SNX3: variants seen among roughly 807,000 people sequenced by gnomAD.
The protein encoded by SNX3 is sorting nexin-3.
Under a neutral mutation model 17.7 loss-of-function variants are expected in SNX3, and 5 were observed. That is an observed-to-expected ratio of 0.28 (90% CI 0.15 to 0.59). The LOEUF (loss-of-function observed/expected upper bound fraction) is 0.59. Ranked by LOEUF, SNX3 falls within the 20% of genes least tolerant of loss-of-function variation. The pLI, the probability that SNX3 is intolerant of heterozygous loss-of-function variation, is 0.88. For synonymous variants in SNX3, 91 were observed against 76.5 expected, an observed-to-expected ratio of 1.19 and a Z score of -0.99; for missense variants, 132 against 206.8, an observed-to-expected ratio of 0.64 and a Z score of 2.22.
rs371943561 is a variant in SNX3 at position 108,225,046 on chromosome 6, G to A, written c.163-2001C>T. Among the ~76,000 whole-genome samples the A allele has an allele frequency of 1.2e-4, 18 of 152,286 alleles. No homozygotes were observed. The East Asian group carries it at 1.9e-3, about 16-fold the overall frequency. ...GACTGTAATCCCAGCACTTTGAAAG[G>A]CTGAGGCGGGCGGATCACGAGGTCA... On this transcript the variant is annotated intron_variant, in intron 1 of 3. Coordinates refer to ENST00000230085, the MANE Select transcript of SNX3 (RefSeq NM_003795.6).
intron 1 of SNX3, among the ~76,000 whole-genome samples, chr6:108,223,494 GTTCTTTTTTTTTTT>G (rs1169204291): frequency 2.0e-5 from 2 of 99,336 alleles, no homozygotes; most frequent in Non-Finnish European, 3.6e-5. Context: ...AACTTTGCTA[GTTCTTTTTTTTTTT>G]TTTTTTTTTT....
rs920627925 is a variant in SNX3, at chr6:108,261,019, C to G, written c.-98G>C. 7 of 1,185,156 alleles carry G rather than the reference C, an allele frequency of 5.9e-6. No individual in the cohort carries two copies. The highest frequency in any genetic ancestry group is 3.2e-5 in the East Asian group (1 of 31,264). The allele number at this position is 1,185,156 out of a possible 1,614,324, so 73.4% of individuals were successfully genotyped here. A position where few individuals can be genotyped will look rare whatever the true frequency, so the allele number is the denominator to read the frequency against. ...CTGCCCGCCGTGGGGACACGGGGCT[C>G]GCGCGCAGCGGTCGCGAAGAGAACG... On this transcript the variant is annotated 5_prime_UTR_variant, in exon 1 of 4. Coordinates refer to ENST00000230085, the MANE Select transcript of SNX3 (RefSeq NM_003795.6).
chr6:108,260,748 A>G lies in SNX3; in HGVS notation c.162+12T>C. 1.9e-6 allele frequency: 3 copies of G among 1,613,154 alleles called. No homozygotes were observed. Among genetic ancestry groups the G allele is most frequent in the Non-Finnish European group, 8.5e-7 (1 of 1,179,524 alleles). ...GGAGGGGTTTCTTGGGAGAGGGGAG[A>G]GACGGCCTCACCTTGACCCTGATTT... is the stretch of plus-strand genomic sequence containing the variant. On this transcript the variant is annotated intron_variant, in intron 1 of 3. Transcript: ENST00000230085.
chr6:108,253,705 C>G (rs981244242), intron 1 of SNX3, among the ~76,000 whole-genome samples: 2 of 152,062 alleles, frequency 1.3e-5, no homozygotes, highest in Non-Finnish European at 2.9e-5. Flanking sequence ...AGCTACCAAC[C>G]ATTGTGGTTC....
chr6:108,215,486 A>G (rs1004832632), intron 2 of SNX3, among the ~76,000 whole-genome samples: 2 of 152,230 alleles, frequency 1.3e-5, no homozygotes, highest in Non-Finnish European at 2.9e-5. Flanking sequence ...ATTAAGAAAC[A>G]AGTCAACTTT....
chr6:108,250,708 T>A (rs1474837346), intron 1 of SNX3, among the ~76,000 whole-genome samples: 1 of 152,154 alleles, frequency 6.6e-6, no homozygotes, highest in Non-Finnish European at 1.5e-5. Context: ...ACGAGACTTA[T>A]ACAACAGAGA....
intron 1 of SNX3, among the ~76,000 whole-genome samples, chr6:108,258,770 A>G (rs1197279266): frequency 6.6e-6 from 1 of 152,026 alleles, no homozygotes; most frequent in Non-Finnish European, 1.5e-5. Context: ...CAGCCTCCCA[A>G]AGTGCTGGGA....
At chr6:108,222,248 A>AG in intron 2 of SNX3, 1 of 1,304,276 alleles carries the variant, frequency 7.7e-7, no homozygotes, top group Non-Finnish European at 1.0e-6. Flanking sequence ...TAGTCACAAA[A>AG]TAACTTTTCA....
chr6:108,238,119 A>C (rs1053183274), intron 1 of SNX3, among the ~76,000 whole-genome samples: 4 of 150,760 alleles, frequency 2.7e-5, no homozygotes, highest in Non-Finnish European at 4.4e-5. Flanking sequence ...AAAAAAAAAA[A>C]ACAAACAAAA....
At chr6:108,226,723 C>T (rs183341706) in intron 1 of SNX3, among the ~76,000 whole-genome samples, 24 of 152,264 alleles carry the variant, frequency 1.6e-4, no homozygotes, top group Non-Finnish European at 2.6e-4. Flanking sequence ...ACAAGAAAAG[C>T]TTTTAATTCA....
chr6:108,228,315 A>G (rs1003290302), intron 1 of SNX3, among the ~76,000 whole-genome samples: 3 of 151,978 alleles, frequency 2.0e-5, no homozygotes, highest in African/African-American at 7.3e-5. Flanking sequence ...TTGGGAGGCC[A>G]AGGCGGGTGG....
Position 108,220,347 on chromosome 6 carries a change from T to TA in SNX3, c.258+2602dup, listed in dbSNP as rs565758416. Among the ~76,000 whole-genome samples, 569 of 152,200 alleles carry TA rather than the reference T, an allele frequency of 3.7e-3. 2 individuals carry two copies. The highest frequency in any genetic ancestry group is 0.013 in the African/African-American group (540 of 41,544). ...AAGTGCCCTATACAGGTGTACTATT[T>TA]AAAAAATCTTCCATGCTTTAAAAAA... On this transcript the variant is annotated intron_variant, in intron 2 of 3. Coordinates refer to ENST00000230085, the MANE Select transcript of SNX3 (RefSeq NM_003795.6).
In SNX3 at chr6:108,211,907, G is replaced by C. The variant is rs1187064594; in HGVS notation, c.*242C>G. The stretch of plus-strand genomic sequence containing the variant: ...GGAATAACAGGTTTGTGAGGCTATA[G>C]TGTGCACCACATTAAAACAGCAAGA... On this transcript the variant is annotated 3_prime_UTR_variant, in exon 4 of 4. Transcript: ENST00000230085. The C allele has an allele frequency of 2.7e-6, 1 of 375,862 alleles. No homozygotes were observed. Among genetic ancestry groups the C allele is most frequent in the African/African-American group, 2.2e-5 (1 of 46,378 alleles). The allele number at this position is 375,862 out of a possible 1,614,324, so 23.3% of individuals were successfully genotyped here.
At chr6:108,231,190 C>T (rs921846370) in intron 1 of SNX3, among the ~76,000 whole-genome samples, 10 of 151,862 alleles carry the variant, frequency 6.6e-5, no homozygotes, top group African/African-American at 2.2e-4. Context: ...CTGCAACCTC[C>T]GCCTCCTGCC....
chr6:108,254,466 C>T (rs1775974456), intron 1 of SNX3, among the ~76,000 whole-genome samples: 1 of 152,140 alleles, frequency 6.6e-6, no homozygotes. Context: ...GACCCTGTCT[C>T]AAACAAAAGT....
chr6:108,215,050 G>A (rs1391485647), intron 2 of SNX3, among the ~76,000 whole-genome samples: 2 of 152,206 alleles, frequency 1.3e-5, no homozygotes, highest in African/African-American at 2.4e-5. Context: ...AACATGGTTA[G>A]GTAAGAATTC....
intron 2 of SNX3, among the ~76,000 whole-genome samples, chr6:108,218,353 G>A (rs1401526861): frequency 6.6e-6 from 1 of 152,174 alleles, no homozygotes; most frequent in Non-Finnish European, 1.5e-5. Context: ...TTCACAAACA[G>A]TAGGATAGCT....
At chr6:108,221,217 C>T (rs988593480) in intron 2 of SNX3, among the ~76,000 whole-genome samples, 2 of 151,892 alleles carry the variant, frequency 1.3e-5, no homozygotes, top group Non-Finnish European at 2.9e-5. Flanking sequence ...TTCCCTTGTG[C>T]TCTATATGAG....
rs1371811206 is a variant in SNX3, at chr6:108,211,954, G to A, written c.*195C>T. On this transcript the variant is annotated 3_prime_UTR_variant, in exon 4 of 4. Coordinates refer to ENST00000230085, the MANE Select transcript of SNX3 (RefSeq NM_003795.6). ...AAGAAAGAGCTATTTATATAGAAAG[G>A]CTGGAATGAGGGATTTTTACTAAAG... is the stretch of plus-strand genomic sequence containing the variant. 1 of 487,824 alleles carries A rather than the reference G, an allele frequency of 2.0e-6. No homozygotes were observed. The highest frequency in any genetic ancestry group is 3.6e-6 in the Non-Finnish European group (1 of 277,004). The allele number at this position is 487,824 out of a possible 1,614,324, so 30.2% of individuals were successfully genotyped here.
Sources: gnomAD v4.1 joint callset for allele counts (sites outside exome capture counted in the v4.1 genomes callset) on GRCh38, gnomAD v4.1.1 for gene constraint, MANE v1.5 for transcripts, NCBI Gene and HGNC (gene_info 2026-07-23, HGNC 2026-07-21) for gene names.